PKHD1: variants seen among roughly 807,000 people sequenced by gnomAD.
PKHD1 encodes fibrocystin.
In PKHD1, 291 loss-of-function variants were observed where a neutral mutation model predicts 412.0. The observed-to-expected ratio is 0.71, with a 90% CI of 0.64 to 0.78. The LOEUF is 0.78. PKHD1 is among the 30% of genes least tolerant of loss of function. The pLI is 0.00. For missense variants in PKHD1, 4,825 were observed against 4,950.7 expected (o/e 0.97, Z 0.76); for synonymous variants, 1,777 against 1,821.5 (o/e 0.98, Z 0.62).
intron 35 of PKHD1, among the ~76,000 whole-genome samples, chr6:51,976,183 G>T (rs1052544151): frequency 1.3e-5 from 2 of 152,126 alleles, no homozygotes; most frequent in African/African-American, 4.8e-5. Context: ...AAAGAGACAT[G>T]TGCACAGCTA....
chr6:52,083,289 A>T (rs1240046095), intron 2 of PKHD1, 34 bp from the exon 3 acceptor site: 3 of 1,369,446 alleles, frequency 2.2e-6, no homozygotes, highest in Admixed American at 1.7e-5. Flanking sequence ...TTGGTTTTGA[A>T]GGTCAGATTC....
rs1398950362 is a variant in PKHD1 at position 52,058,459 on chromosome 6, T to C, written c.1376A>G (p.His459Arg). 2 of 1,614,058 alleles carry C rather than the reference T, an allele frequency of 1.2e-6. No homozygotes were observed. Reference sequence around the variant, plus strand: ...CATCCCCCTGCTTGGGGCTATCCCATGATGCTCTGCTTCCAGGTAGTACAT... The same window carrying C: ...CATCCCCCTGCTTGGGGCTATCCCACGATGCTCTGCTTCCAGGTAGTACAT... ...GAMYYLEAEH[H>R]GIAPSRGMRI... The change falls in exon 16 of 67, where the codon CAT becomes CGT. Residue 459 changes from histidine to arginine, a missense_variant. By Grantham distance (29) the His-to-Arg change is conservative. Transcript: ENST00000371117.
intron 52 of PKHD1, among the ~76,000 whole-genome samples, chr6:51,813,765 A>C (rs940477384): frequency 6.6e-6 from 1 of 152,156 alleles, no homozygotes; most frequent in African/African-American, 2.4e-5. Flanking sequence ...AGCTTATAAG[A>C]ATTGTGGTTA....
chr6:52,070,576 TC>T (rs954871389), intron 9 of PKHD1, 131 bp from the exon 10 acceptor site: 14 of 662,562 alleles, frequency 2.1e-5, no homozygotes, highest in African/African-American at 5.6e-5. Context: ...CTTTAGTGGT[TC>T]CCCCCCGCAA....
chr6:51,708,533 G>C (rs1780273151), intron 60 of PKHD1, among the ~76,000 whole-genome samples: 1 of 151,952 alleles, frequency 6.6e-6, no homozygotes, highest in Admixed American at 6.6e-5. Context: ...CCTTAACATG[G>C]GTTATTATAT....
At chr6:51,792,094 ATATTT>A (rs1582716675) in intron 52 of PKHD1, among the ~76,000 whole-genome samples, 2 of 152,298 alleles carry the variant, frequency 1.3e-5, no homozygotes, top group Middle Eastern at 3.4e-3. Flanking sequence ...TAAAATCATT[ATATTT>A]TATTTCCCCT....
chr6:51,910,746 T>C (rs1346857094), intron 39 of PKHD1, among the ~76,000 whole-genome samples: 1 of 151,792 alleles, frequency 6.6e-6, no homozygotes, highest in Non-Finnish European at 1.5e-5. Context: ...ATTGATAAAG[T>C]TGGGCAGTTG....
At chr6:51,714,615 T>G (rs923674692) in intron 60 of PKHD1, among the ~76,000 whole-genome samples, 1 of 152,196 alleles carries the variant, frequency 6.6e-6, no homozygotes, top group African/African-American at 2.4e-5. Flanking sequence ...AATAAATGAT[T>G]CAGTTCCTCG....
intron 60 of PKHD1, among the ~76,000 whole-genome samples, chr6:51,680,576 T>C (rs928876096): frequency 6.6e-6 from 1 of 152,030 alleles, no homozygotes; most frequent in African/African-American, 2.4e-5. Flanking sequence ...TTAAAATGCA[T>C]TCACTGAAGT....
At chr6:51,960,119 T>C (rs1791789828) in intron 35 of PKHD1, 93 bp from the exon 36 acceptor site, 3 of 1,243,416 alleles carry the variant, frequency 2.4e-6, no homozygotes, top group East Asian at 4.8e-5. Flanking sequence ...GGTTTGTTGG[T>C]TCATTCATTG....
chr6:51,975,963 T>TGAAAAAAAAAAA lies in PKHD1; in HGVS notation c.5752-15938_5752-15937insTTTTTTTTTTTC, dbSNP rs1231391714. 12 of 69,778 alleles carry TGAAAAAAAAAAA rather than the reference T, an allele frequency of 1.7e-4. 1 individual carries two copies. Among genetic ancestry groups the TGAAAAAAAAAAA allele is most frequent in the Middle Eastern group, 0.011 (1 of 92 alleles). 4.3% of individuals were successfully genotyped at this position (69,778 alleles called of 1,614,324 possible). ...AACATAGCGAGACCCTTTCTCTAAT[T>TGAAAAAAAAAAA]AAAAAAAAAAAAAAAAAAAAAAAAA... On this transcript the variant is annotated intron_variant, in intron 35 of 66. Coordinates refer to ENST00000371117, the MANE Select transcript of PKHD1 (RefSeq NM_138694.4).
intron 52 of PKHD1, among the ~76,000 whole-genome samples, chr6:51,802,836 A>C (rs943637820): frequency 1.3e-5 from 2 of 151,016 alleles, no homozygotes; most frequent in Non-Finnish European, 2.9e-5. Context: ...TATCCAAAAA[A>C]CTATGAGATT....
chr6:51,853,998 C>T (rs1452359535), intron 49 of PKHD1, among the ~76,000 whole-genome samples: 1 of 152,132 alleles, frequency 6.6e-6, no homozygotes, highest in East Asian at 1.9e-4. Context: ...AGAAGAGGCA[C>T]TCTGGCCTTT....
At chr6:51,719,235 G>T (rs1781624080) in intron 60 of PKHD1, among the ~76,000 whole-genome samples, 1 of 151,940 alleles carries the variant, frequency 6.6e-6, no homozygotes, top group South Asian at 2.1e-4. Flanking sequence ...TTGAGACAGG[G>T]TCTCACTCTG....
At chr6:52,012,462 G>C (rs1349639835) in intron 34 of PKHD1, among the ~76,000 whole-genome samples, 1 of 152,146 alleles carries the variant, frequency 6.6e-6, no homozygotes, top group Non-Finnish European at 1.5e-5. Flanking sequence ...AAATCCATTC[G>C]CTGATCCTTC....
intron 50 of PKHD1, among the ~76,000 whole-genome samples, chr6:51,845,035 T>C (rs1404940994): frequency 6.6e-6 from 1 of 152,168 alleles, no homozygotes; most frequent in Non-Finnish European, 1.5e-5. Flanking sequence ...AGTCAAGTGG[T>C]CTGAAAAAAA....
intron 60 of PKHD1, among the ~76,000 whole-genome samples, chr6:51,704,549 G>C (rs145851900): frequency 6.6e-6 from 1 of 152,096 alleles, no homozygotes; most frequent in African/African-American, 2.4e-5. Context: ...CAAAGCAGTA[G>C]CAAGAAAATT....
At chr6:51,641,482 T>G (rs555284517) in intron 63 of PKHD1, among the ~76,000 whole-genome samples, 2 of 152,358 alleles carry the variant, frequency 1.3e-5, no homozygotes, top group South Asian at 4.1e-4. Flanking sequence ...GAAGACAGTG[T>G]GGTGATTCCT....
chr6:51,931,389 G>T (rs529560965), intron 37 of PKHD1, among the ~76,000 whole-genome samples: 4 of 152,272 alleles, frequency 2.6e-5, no homozygotes, highest in African/African-American at 9.6e-5. Context: ...AAGAAAATTA[G>T]CTTTTTCCTA....
Sources: gnomAD v4.1 joint callset for allele counts (sites outside exome capture counted in the v4.1 genomes callset) on GRCh38, gnomAD v4.1.1 for gene constraint, MANE v1.5 for transcripts, NCBI Gene and HGNC (gene_info 2026-07-23, HGNC 2026-07-21) for gene names.